NYAP2: variants seen among roughly 807,000 people sequenced by gnomAD.
NYAP2 encodes neuronal tyrosine-phosphorylated phosphoinositide-3-kinase adaptor 2.
In NYAP2, 23 loss-of-function variants were observed where a neutral mutation model predicts 50.4. That is an observed-to-expected ratio of 0.46 (90% CI 0.33 to 0.65). The LOEUF (loss-of-function observed/expected upper bound fraction) is 0.65, where lower values mean the gene tolerates loss of function less well. Among genes scored for constraint, NYAP2 ranks in the 30% least tolerant of loss-of-function variants. The pLI is 0.02. For missense variants in NYAP2, 885 were observed against 861.0 expected, an observed-to-expected ratio of 1.03 and a Z score of -0.35; for synonymous variants, 394 against 365.2, an observed-to-expected ratio of 1.08 and a Z score of -0.90.
chr2:225,682,284 T>C, the NYAP2 span, among the ~76,000 whole-genome samples: 1 of 152,210 alleles, frequency 6.6e-6, no homozygotes, highest in African/African-American at 2.4e-5. Context: ...ATAAGGTCTT[T>C]AGTGAATTAT....
At chr2:225,537,147 A>G (rs1261035007) in intron 4 of NYAP2, among the ~76,000 whole-genome samples, 1 of 151,842 alleles carries the variant, frequency 6.6e-6, no homozygotes. Flanking sequence ...CCCTACTACC[A>G]TCCCAGCCTC....
In NYAP2 at chr2:225,554,031, GA is replaced by G. The variant is rs1336279403; in HGVS notation, c.524-27904del. Reference sequence around the variant, plus strand: ...CAGAAAGAATTCAAAAAGAAAAGATGAAAAAAGTATTTCAAAACAATTAAAA... The same window carrying G: ...CAGAAAGAATTCAAAAAGAAAAGATGAAAAAGTATTTCAAAACAATTAAAA... On this transcript the variant is annotated intron_variant, in intron 4 of 6. Transcript: ENST00000636099. Among the ~76,000 whole-genome samples the G allele has an allele frequency of 4.6e-5, 7 of 151,988 alleles. No homozygotes were observed. The East Asian group carries it at 1.4e-3, about 29-fold the overall frequency.
At chr2:225,461,997 T>C (rs1341722750) in intron 3 of NYAP2, among the ~76,000 whole-genome samples, 10 of 152,172 alleles carry the variant, frequency 6.6e-5, no homozygotes, top group Admixed American at 6.5e-4. Context: ...TAATTAGAAA[T>C]GTAAATTTCA....
intron 4 of NYAP2, among the ~76,000 whole-genome samples, chr2:225,546,849 T>C (rs1020197571): frequency 3.3e-5 from 5 of 152,202 alleles, no homozygotes; most frequent in Non-Finnish European, 7.3e-5. Flanking sequence ...TGACCTGTTC[T>C]ACCTGCACAT....
At chr2:225,651,504 T>C in exon 7 of NYAP2, 1 of 1,613,982 alleles carries the variant, frequency 6.2e-7, no homozygotes, top group Non-Finnish European at 8.5e-7. Context: ...GTCACTCCCC[T>C]CAGGCAAAGC....
intron 5 of NYAP2, among the ~76,000 whole-genome samples, chr2:225,592,392 G>A (rs1692522474): frequency 6.6e-6 from 1 of 152,116 alleles, no homozygotes; most frequent in African/African-American, 2.4e-5. Context: ...AACTGACTGG[G>A]GTAAAACAGA....
intron 5 of NYAP2, among the ~76,000 whole-genome samples, chr2:225,620,697 G>A (rs1693083851): frequency 6.6e-6 from 1 of 152,060 alleles, no homozygotes; most frequent in South Asian, 2.1e-4. Flanking sequence ...AAAATTTACT[G>A]AAGACTAACC....
chr2:225,465,855 T>C (rs938002247), intron 3 of NYAP2, among the ~76,000 whole-genome samples: 3 of 152,244 alleles, frequency 2.0e-5, no homozygotes, highest in Non-Finnish European at 4.4e-5. Flanking sequence ...TAAAGTGTAC[T>C]TAATCTTTTC....
At chr2:225,642,402 C>A (rs747261061) in intron 6 of NYAP2, among the ~76,000 whole-genome samples, 28 of 152,094 alleles carry the variant, frequency 1.8e-4, no homozygotes, top group Non-Finnish European at 3.4e-4. Flanking sequence ...CATGTATTAT[C>A]TTATTTAATT....
intron 4 of NYAP2, among the ~76,000 whole-genome samples, chr2:225,551,087 C>G (rs1347662375): frequency 3.3e-5 from 5 of 152,182 alleles, no homozygotes; most frequent in African/African-American, 1.2e-4. Flanking sequence ...TCTTACTTTT[C>G]ATATTTCTTT....
intron 4 of NYAP2, among the ~76,000 whole-genome samples, chr2:225,553,540 A>C (rs1296887508): frequency 6.6e-6 from 1 of 152,226 alleles, no homozygotes; most frequent in Non-Finnish European, 1.5e-5. Context: ...AGCACAGCCA[A>C]ATGGAAGCTG....
chr2:225,644,970 A>T (rs1319989058), intron 6 of NYAP2, among the ~76,000 whole-genome samples: 2 of 152,162 alleles, frequency 1.3e-5, no homozygotes, highest in Non-Finnish European at 2.9e-5. Flanking sequence ...ATTAGGAACA[A>T]AAAGAATGTC....
intron 4 of NYAP2, among the ~76,000 whole-genome samples, chr2:225,526,048 G>C (rs1246340824): frequency 6.6e-6 from 1 of 152,170 alleles, no homozygotes; most frequent in Non-Finnish European, 1.5e-5. Flanking sequence ...CCAACAATGA[G>C]TGAGCCTGGA....
At chr2:225,437,243 AG>A (rs1199539466) in intron 3 of NYAP2, among the ~76,000 whole-genome samples, 1 of 152,154 alleles carries the variant, frequency 6.6e-6, no homozygotes, top group Non-Finnish European at 1.5e-5. Context: ...CCACGTGGAA[AG>A]GCTTCATGGC....
downstream of NYAP2, among the ~76,000 whole-genome samples, chr2:225,655,861 G>A (rs1353388760): frequency 7.3e-6 from 1 of 137,924 alleles, no homozygotes; most frequent in East Asian, 2.3e-4. Context: ...TAGGAAGGAA[G>A]GAAATGAGAG....
At chr2:225,583,548 A>G (rs1267294854) in intron 5 of NYAP2, among the ~76,000 whole-genome samples, 2 of 152,080 alleles carry the variant, frequency 1.3e-5, no homozygotes, top group Non-Finnish European at 2.9e-5. Context: ...TTATATTCCT[A>G]TTTAAAAGAA....
intron 4 of NYAP2, among the ~76,000 whole-genome samples, chr2:225,543,579 A>C (rs1454435793): frequency 6.6e-6 from 1 of 151,850 alleles, no homozygotes; most frequent in East Asian, 1.9e-4. Flanking sequence ...TCCTCTTTTT[A>C]TTGATTTCTT....
chr2:225,637,645 C>A (rs1158739089), intron 6 of NYAP2, among the ~76,000 whole-genome samples: 1 of 152,080 alleles, frequency 6.6e-6, no homozygotes, highest in Admixed American at 6.6e-5. Flanking sequence ...TTGGAGGGGC[C>A]TTGGAGGGTA....
At chr2:225,659,010 TAAAAC>T (rs1418741556), downstream of NYAP2, among the ~76,000 whole-genome samples, 3 of 152,176 alleles carry the variant, frequency 2.0e-5, no homozygotes, top group Admixed American at 6.5e-5. Flanking sequence ...TAGAGTGGAA[TAAAAC>T]AAAACAAGCT....
Sources: gnomAD v4.1 joint callset for allele counts (sites outside exome capture counted in the v4.1 genomes callset) on GRCh38, gnomAD v4.1.1 for gene constraint, MANE v1.5 for transcripts, NCBI Gene and HGNC (gene_info 2026-07-23, HGNC 2026-07-21) for gene names.